The following PCM1 variants were observed in gnomAD, a reference collection of about 807,000 sequenced individuals.
The protein encoded by PCM1 is pericentriolar material 1 protein.
In PCM1, 157 loss-of-function variants were observed where a neutral mutation model predicts 241.9. The ratio of observed to expected loss-of-function variants is 0.65; its 90% CI spans 0.57 to 0.74. The LOEUF (loss-of-function observed/expected upper bound fraction) is 0.74, where lower values mean the gene tolerates loss of function less well. Among genes scored for constraint, PCM1 ranks in the 30% least tolerant of loss-of-function variants. The pLI, the probability that PCM1 is intolerant of heterozygous loss-of-function variation, is 0.00. For synonymous variants in PCM1, 1,085 were observed against 784.9 expected, an observed-to-expected ratio of 1.38 and a Z score of -6.39; for missense variants, 3,478 against 2,360.1, an observed-to-expected ratio of 1.47 and a Z score of -9.81.
intron 18 of PCM1, among the ~76,000 whole-genome samples, chr8:17,965,507 T>G (rs2074494223): frequency 6.6e-6 from 1 of 152,240 alleles, no homozygotes; most frequent in Non-Finnish European, 1.5e-5. Context: ...CCAGGTAAAC[T>G]GGATCAGTCT....
intron 7 of PCM1, among the ~76,000 whole-genome samples, chr8:17,949,633 G>A (rs912501245): frequency 6.6e-6 from 1 of 151,924 alleles, no homozygotes; most frequent in Non-Finnish European, 1.5e-5. Flanking sequence ...GAATAGCTAG[G>A]AATACAGGCG....
chr8:17,966,244 T>G, intron 19 of PCM1, 26 bp downstream of exon 19: 1 of 1,609,238 alleles, frequency 6.2e-7, no homozygotes, highest in Non-Finnish European at 8.5e-7. Flanking sequence ...AAAGTATATT[T>G]TTCGTCTATT....
At chr8:17,942,388 A>G (rs1178543271) in intron 6 of PCM1, among the ~76,000 whole-genome samples, 3 of 151,642 alleles carry the variant, frequency 2.0e-5, no homozygotes, top group Non-Finnish European at 2.9e-5. Context: ...AATCGCTTCA[A>G]CCTAGGAGGT....
At chr8:17,943,724 G>C (rs1358620324) in intron 6 of PCM1, among the ~76,000 whole-genome samples, 1 of 151,276 alleles carries the variant, frequency 6.6e-6, no homozygotes, top group Non-Finnish European at 1.5e-5. Flanking sequence ...ATTTCTTCAG[G>C]GGAAAAAATC....
At chr8:18,015,746 C>T (rs889635210) in intron 36 of PCM1, 2 of 151,992 alleles carry the variant, frequency 1.3e-5, no homozygotes, top group Non-Finnish European at 2.9e-5. Context: ...TGAAAGAGAC[C>T]CCCTGTGGCC....
chr8:17,925,175 A>C (rs1471722624), intron 2 of PCM1: 1 of 152,188 alleles, frequency 6.6e-6, no homozygotes, highest in Non-Finnish European at 1.5e-5. Flanking sequence ...TACTTGTCGA[A>C]CTTGTTATAC....
chr8:18,000,364 A>G (rs1427015777), intron 29 of PCM1, among the ~76,000 whole-genome samples: 1 of 152,224 alleles, frequency 6.6e-6, no homozygotes, highest in Non-Finnish European at 1.5e-5. Context: ...GATTTTAAGC[A>G]GAGAAAAAAA....
Position 17,956,627 on chromosome 8 carries a change from G to C in PCM1, c.1496G>C (p.Arg499Thr), listed in dbSNP as rs759353300. 3 of 1,596,492 alleles carry C rather than the reference G, an allele frequency of 1.9e-6. No individual in the cohort carries two copies. Among genetic ancestry groups the C allele is most frequent in the South Asian group, 2.3e-5 (2 of 88,076 alleles). ...KLQKLNEVRK[R>T]LNELRELVHY... ...AGGAAGTTAAATGAAGTTCGAAAGA[G>C]ATTGAATGAGCTAAGAGAATTAGTT... The change falls in exon 11 of 39, where the codon AGA becomes ACA. Residue 499 changes from arginine to threonine, a missense_variant. Coordinates refer to ENST00000325083, the MANE Select transcript of PCM1 (RefSeq NM_006197.4).
chr8:17,996,668 T>C (rs1370914942), intron 29 of PCM1, among the ~76,000 whole-genome samples: 5 of 152,174 alleles, frequency 3.3e-5, no homozygotes, highest in Non-Finnish European at 1.5e-5. Flanking sequence ...ACATCCATTG[T>C]TTTCGTATCT....
intron 7 of PCM1, among the ~76,000 whole-genome samples, chr8:17,949,741 C>T (rs2065290800): frequency 6.6e-6 from 1 of 152,116 alleles, no homozygotes; most frequent in Non-Finnish European, 1.5e-5. Context: ...AAGTGATCTG[C>T]CCACCTTGGC....
At chr8:17,963,358 C>A in intron 17 of PCM1, 67 bp downstream of exon 17, 1 of 1,188,432 alleles carries the variant, frequency 8.4e-7, no homozygotes, top group Non-Finnish European at 1.2e-6. Flanking sequence ...GTAGGCTAGG[C>A]AGCCACATTT....
chr8:17,983,373 C>A, intron 24 of PCM1: 1 of 755,200 alleles, frequency 1.3e-6, no homozygotes, highest in Non-Finnish European at 2.0e-6. Context: ...TGATTTTTTT[C>A]TTTTTTAAAT....
intron 34 of PCM1, chr8:18,013,726 T>C (rs1281764431): frequency 7.3e-6 from 3 of 412,812 alleles, no homozygotes; most frequent in South Asian, 1.2e-4. Context: ...CAGTGCAGTC[T>C]GTTCGTTCCA....
intron 23 of PCM1, among the ~76,000 whole-genome samples, chr8:17,974,988 C>G (rs548395430): frequency 6.6e-6 from 1 of 152,172 alleles, no homozygotes; most frequent in African/African-American, 2.4e-5. Flanking sequence ...TATTCAAACT[C>G]TGAACTGTGG....
Position 18,014,839 on chromosome 8 carries a change from A to C in PCM1, c.5840A>C (p.Tyr1947Ser). 2 of 1,587,688 alleles carry C rather than the reference A, an allele frequency of 1.3e-6. No homozygotes were observed. Among genetic ancestry groups the C allele is most frequent in the Non-Finnish European group, 1.7e-6 (2 of 1,170,440 alleles). Residue 1947 changes from tyrosine to serine, a missense_variant and splice_region_variant, in exon 36 of 39, where the codon TAT becomes TCT. Transcript: ENST00000325083. ...GAATCTCCAGTGTTAGTGAATGACTATGTATGTATCATTTACATTTCCAAA... is the reference window on the plus strand; with the variant it reads ...GAATCTCCAGTGTTAGTGAATGACTCTGTATGTATCATTTACATTTCCAAA... ...DTESPVLVND[Y>S]EAESGNISQK...
chr8:17,982,487 A>G (rs573807458), intron 24 of PCM1: 15 of 129,692 alleles, frequency 1.2e-4, no homozygotes, highest in African/African-American at 3.3e-4. Flanking sequence ...TACATTCTGA[A>G]AAGATTAAAA....
intron 38 of PCM1, among the ~76,000 whole-genome samples, chr8:18,026,206 G>C (rs1293819913): frequency 8.6e-6 from 1 of 116,752 alleles, no homozygotes; most frequent in East Asian, 2.4e-4. Flanking sequence ...AAAAAATGTA[G>C]ACATGCCCAT....
At chr8:17,924,106 C>G (rs1346055923) in intron 1 of PCM1, among the ~76,000 whole-genome samples, 1 of 152,060 alleles carries the variant, frequency 6.6e-6, no homozygotes, top group African/African-American at 2.4e-5. Flanking sequence ...CCCTACCACC[C>G]CCGCCCCATA....
intron 10 of PCM1, chr8:17,956,055 A>G (rs1292967851): frequency 8.9e-6 from 2 of 224,614 alleles, no homozygotes; most frequent in African/African-American, 2.4e-5. Context: ...AATAGGGATG[A>G]TAATATACCT....
Sources: gnomAD v4.1 joint callset for allele counts (sites outside exome capture counted in the v4.1 genomes callset) on GRCh38, gnomAD v4.1.1 for gene constraint, MANE v1.5 for transcripts, NCBI Gene and HGNC (gene_info 2026-07-23, HGNC 2026-07-21) for gene names.